CEP85L: variants seen among roughly 807,000 people sequenced by gnomAD.
CEP85L encodes the protein centrosomal protein 85L, also known as centrosomal protein of 85 kDa-like.
A neutral mutation model predicts 100.3 loss-of-function variants in CEP85L; 60 were observed. That is an observed-to-expected ratio of 0.60 (90% CI 0.49 to 0.74). The LOEUF is 0.74. Ranked by LOEUF, CEP85L falls within the 30% of genes least tolerant of loss-of-function variation. CEP85L has a pLI of 0.00. For synonymous variants in CEP85L, 319 were observed against 322.7 expected, an observed-to-expected ratio of 0.99 and a Z score of 0.12; for missense variants, 973 against 936.2, an observed-to-expected ratio of 1.04 and a Z score of -0.51.
chr6:118,542,292 T>A (rs1379288302), intron 3 of CEP85L, among the ~76,000 whole-genome samples: 3 of 152,196 alleles, frequency 2.0e-5, no homozygotes, highest in East Asian at 3.8e-4. Flanking sequence ...TAGGGTTTTT[T>A]AGAGTTTTTA....
chr6:118,680,485 A>G (rs1380812102), intron 1 of CEP85L, among the ~76,000 whole-genome samples: 1 of 152,144 alleles, frequency 6.6e-6, no homozygotes, highest in Non-Finnish European at 1.5e-5. Context: ...GGATTGTAGG[A>G]CTGACATGTG....
intron 5 of CEP85L, chr6:118,501,672 C>A: frequency 1.5e-6 from 1 of 659,920 alleles, no homozygotes; most frequent in South Asian, 1.5e-5. Flanking sequence ...CTGTTACACT[C>A]AGAGATGAAA....
intron 5 of CEP85L, among the ~76,000 whole-genome samples, chr6:118,500,437 C>T (rs1056473135): frequency 5.9e-5 from 9 of 152,256 alleles, no homozygotes; most frequent in Non-Finnish European, 1.2e-4. Flanking sequence ...TTGAAGTTAT[C>T]TACTGGGAAA....
intron 3 of CEP85L, among the ~76,000 whole-genome samples, chr6:118,546,907 G>T (rs962629501): frequency 2.6e-5 from 4 of 152,024 alleles, no homozygotes; most frequent in Non-Finnish European, 5.9e-5. Context: ...AATGTTCACA[G>T]GATATCTTTG....
chr6:118,668,361 T>A (rs529158401), intron 1 of CEP85L, among the ~76,000 whole-genome samples: 1 of 152,368 alleles, frequency 6.6e-6, no homozygotes, highest in South Asian at 2.1e-4. Context: ...CTTACCTGAA[T>A]AAGGTGGGTT....
intron 3 of CEP85L, among the ~76,000 whole-genome samples, chr6:118,543,964 A>G (rs569088225): frequency 2.0e-5 from 3 of 152,330 alleles, no homozygotes; most frequent in South Asian, 2.1e-4. Flanking sequence ...GAACAAAGAC[A>G]TATTTCACAA....
chr6:118,680,354 TAA>T (rs111360359), intron 1 of CEP85L, among the ~76,000 whole-genome samples: 1 of 120,930 alleles, frequency 8.3e-6, no homozygotes, highest in African/African-American at 3.1e-5. Flanking sequence ...TTCTTCTTAT[TAA>T]AAAAAAAAAT....
chr6:118,476,539 GAGTTATGTT>G (rs1773393694), intron 10 of CEP85L, among the ~76,000 whole-genome samples: 1 of 152,052 alleles, frequency 6.6e-6, no homozygotes, highest in Admixed American at 6.6e-5. Flanking sequence ...ATATTTAAAG[GAGTTATGTT>G]CTACCTATAA....
intron 5 of CEP85L, among the ~76,000 whole-genome samples, chr6:118,492,637 A>C (rs1276265491): frequency 6.6e-6 from 1 of 152,152 alleles, no homozygotes; most frequent in East Asian, 1.9e-4. Context: ...ATATCAACAA[A>C]GTACTGTAAA....
intron 2 of CEP85L, among the ~76,000 whole-genome samples, chr6:118,577,116 C>T (rs1000995767): frequency 1.3e-5 from 2 of 152,160 alleles, no homozygotes; most frequent in South Asian, 2.1e-4. Flanking sequence ...TATCCAACCC[C>T]GTACTACAAA....
chr6:118,499,325 G>C (rs536135967), intron 5 of CEP85L, among the ~76,000 whole-genome samples: 1 of 152,284 alleles, frequency 6.6e-6, no homozygotes, highest in Admixed American at 6.5e-5. Flanking sequence ...TCATGATTAT[G>C]TCAAATCCAC....
intron 2 of CEP85L, chr6:118,574,021 A>G (rs1417182270): frequency 1.3e-5 from 2 of 152,272 alleles, no homozygotes; most frequent in East Asian, 3.8e-4. Flanking sequence ...GGTGTTAAGG[A>G]CAATAAGTTC....
chr6:118,472,847 T>C (rs533657484), intron 10 of CEP85L, among the ~76,000 whole-genome samples: 1 of 152,330 alleles, frequency 6.6e-6, no homozygotes, highest in African/African-American at 2.4e-5. Flanking sequence ...TTAAAAATTC[T>C]GCCAAGGTAC....
chr6:118,651,514 T>C lies in CEP85L; in HGVS notation c.-245A>G. 1 of 1,265,574 alleles carries C rather than the reference T, an allele frequency of 7.9e-7. No homozygotes were observed. Among genetic ancestry groups the C allele is most frequent in the Non-Finnish European group, 9.9e-7 (1 of 1,005,910 alleles). The allele number at this position is 1,265,574 out of a possible 1,614,324, so 78.4% of individuals were successfully genotyped here. A position where few individuals can be genotyped will look rare whatever the true frequency, so the allele number is the denominator to read the frequency against. ...AGGCCCGCGCCGGGGAAGCGGCGAC[T>C]CGGCGGTGACGGCTGCTAGATCCCC... On this transcript the variant is annotated 5_prime_UTR_variant, in exon 1 of 13. Transcript: ENST00000368491.
chr6:118,555,873 C>A (rs1286686654), intron 3 of CEP85L, among the ~76,000 whole-genome samples: 1 of 149,686 alleles, frequency 6.7e-6, no homozygotes, highest in Non-Finnish European at 1.5e-5. Context: ...TATCATCTTG[C>A]TCCCACCTGT....
intron 8 of CEP85L, 28 bp from the exon 9 acceptor site, chr6:118,480,541 AAAT>A (rs753100001): frequency 1.4e-6 from 2 of 1,389,406 alleles, no homozygotes; most frequent in South Asian, 2.4e-5. Flanking sequence ...TATATGAAGA[AAAT>A]AAGCTCTATT....
At chr6:118,588,906 A>G (rs978591428) in intron 2 of CEP85L, among the ~76,000 whole-genome samples, 2 of 152,190 alleles carry the variant, frequency 1.3e-5, no homozygotes, top group Non-Finnish European at 2.9e-5. Flanking sequence ...AGCCGGAAAG[A>G]GTCATCACCC....
chr6:118,706,992 C>T (rs1364809091), intron 1 of CEP85L, among the ~76,000 whole-genome samples: 1 of 152,100 alleles, frequency 6.6e-6, no homozygotes, highest in African/African-American at 2.4e-5. Context: ...TTCCCTTGCC[C>T]CTCATTGGCC....
At chr6:118,568,141 C>T (rs1240305543) in intron 2 of CEP85L, among the ~76,000 whole-genome samples, 1 of 152,208 alleles carries the variant, frequency 6.6e-6, no homozygotes, top group Non-Finnish European at 1.5e-5. Flanking sequence ...ACAGCAGAGG[C>T]ATCACCTTTC....
Sources: allele counts gnomAD v4.1 joint callset (sites outside exome capture counted in the v4.1 genomes callset), GRCh38; gene constraint gnomAD v4.1.1; transcripts MANE v1.5; gene names NCBI Gene and HGNC (gene_info 2026-07-23, HGNC 2026-07-21).